KIAA1328: variants seen among roughly 807,000 people sequenced by gnomAD.
KIAA1328 encodes KIAA1328.
In KIAA1328, 52 loss-of-function variants were observed where a neutral mutation model predicts 68.1. The ratio of observed to expected loss-of-function variants is 0.76; its 90% CI spans 0.61 to 0.96. The LOEUF (loss-of-function observed/expected upper bound fraction) is 0.96, where lower values mean the gene tolerates loss of function less well. Ranked by LOEUF, KIAA1328 falls within the 40% of genes least tolerant of loss-of-function variation. KIAA1328 has a pLI of 0.00. For missense variants in KIAA1328, 641 were observed against 677.6 expected (o/e 0.95, Z 0.60); for synonymous variants, 232 against 239.4 (o/e 0.97, Z 0.28).
At chr18:36,913,202 G>A (rs1237309698) in intron 5 of KIAA1328, among the ~76,000 whole-genome samples, 1 of 151,886 alleles carries the variant, frequency 6.6e-6, no homozygotes, top group Non-Finnish European at 1.5e-5. Context: ...AACTGGCAGT[G>A]TTTCTGTTTA....
chr18:37,036,972 A>G (rs556813671), intron 6 of KIAA1328, among the ~76,000 whole-genome samples: 283 of 152,324 alleles, frequency 1.9e-3, no homozygotes, highest in African/African-American at 6.6e-3. Flanking sequence ...AAGAAACCAT[A>G]TATTAAAATT....
intron 7 of KIAA1328, among the ~76,000 whole-genome samples, chr18:37,074,331 A>G (rs1333627583): frequency 6.6e-6 from 1 of 152,120 alleles, no homozygotes; most frequent in Non-Finnish European, 1.5e-5. Context: ...CACCTTTTAC[A>G]GTATTCTTAT....
chr18:37,120,322 G>A (rs1198116344), intron 7 of KIAA1328, among the ~76,000 whole-genome samples: 3 of 152,038 alleles, frequency 2.0e-5, no homozygotes, highest in African/African-American at 7.2e-5. Context: ...CTAATGCCCT[G>A]CATGAGAACA....
rs2060607631 is a variant in KIAA1328, at chr18:37,224,018, G to A, written c.*1791G>A. The stretch of plus-strand genomic sequence containing the variant: ...AATCGGTTTCATCCCATATCAAAAA[G>A]CCTTTGGAGTGTGGAGCTTTCTGTG... On this transcript the variant is annotated 3_prime_UTR_variant, in exon 10 of 10. Coordinates refer to ENST00000280020, the MANE Select transcript of KIAA1328 (RefSeq NM_020776.3). 1.0e-6 allele frequency: 1 copy of A among 985,236 alleles called. No homozygotes were observed. The highest frequency in any genetic ancestry group is 1.7e-5 in the African/African-American group (1 of 57,206). 61.0% of individuals were successfully genotyped at this position (985,236 alleles called of 1,614,324 possible). A position where few individuals can be genotyped will look rare whatever the true frequency, so the allele number is the denominator to read the frequency against.
intron 6 of KIAA1328, among the ~76,000 whole-genome samples, chr18:37,055,848 G>T (rs900336105): frequency 2.0e-5 from 3 of 152,146 alleles, no homozygotes; most frequent in African/African-American, 7.2e-5. Context: ...TTGTTATAGG[G>T]TGCTTATCAG....
chr18:36,840,957 TAC>T (rs1202300938), intron 3 of KIAA1328, among the ~76,000 whole-genome samples: 1 of 152,188 alleles, frequency 6.6e-6, no homozygotes, highest in Non-Finnish European at 1.5e-5. Flanking sequence ...CAGATTTCAC[TAC>T]AGTCTGGCAC....
At chr18:36,907,454 G>C (rs1209714377) in intron 5 of KIAA1328, among the ~76,000 whole-genome samples, 5 of 152,036 alleles carry the variant, frequency 3.3e-5, no homozygotes, top group Non-Finnish European at 7.4e-5. Flanking sequence ...TTTAGATTAA[G>C]GAAGTTCTTT....
intron 7 of KIAA1328, among the ~76,000 whole-genome samples, chr18:37,076,291 C>A (rs2056732418): frequency 6.6e-6 from 1 of 152,160 alleles, no homozygotes; most frequent in Admixed American, 6.5e-5. Context: ...CTAATGAGAA[C>A]AAAGACACAA....
intron 7 of KIAA1328, among the ~76,000 whole-genome samples, chr18:37,116,242 G>A (rs1012915063): frequency 8.5e-5 from 13 of 152,254 alleles, no homozygotes; most frequent in Admixed American, 8.5e-4. Flanking sequence ...GAGGCATCAT[G>A]CTACCTGACT....
intron 5 of KIAA1328, among the ~76,000 whole-genome samples, chr18:36,905,986 AG>A (rs2049207039): frequency 6.6e-6 from 1 of 152,170 alleles, no homozygotes; most frequent in African/African-American, 2.4e-5. Flanking sequence ...TAGTGATTTT[AG>A]AATTATTAAC....
intron 7 of KIAA1328, among the ~76,000 whole-genome samples, chr18:37,159,881 T>G (rs1301881249): frequency 6.6e-6 from 1 of 152,222 alleles, no homozygotes; most frequent in Non-Finnish European, 1.5e-5. Flanking sequence ...AAGTCCTGTT[T>G]TAGCATACTT....
At chr18:36,935,825 G>A (rs974217739) in intron 5 of KIAA1328, among the ~76,000 whole-genome samples, 3 of 152,096 alleles carry the variant, frequency 2.0e-5, no homozygotes, top group African/African-American at 4.8e-5. Context: ...TTTGATCAAA[G>A]AATTCCTAGG....
chr18:37,024,769 G>T (rs760848080), intron 6 of KIAA1328, among the ~76,000 whole-genome samples: 150 of 152,096 alleles, frequency 9.9e-4, no homozygotes, highest in Admixed American at 3.2e-3. Flanking sequence ...TCTCAATCCA[G>T]TCTATCATTG....
In KIAA1328 at chr18:36,973,172, T is replaced by C. The variant is rs561462721; in HGVS notation, c.576+13737T>C. Among the ~76,000 whole-genome samples, 5 of 152,244 alleles carry C rather than the reference T, an allele frequency of 3.3e-5. No individual in the cohort carries two copies. In the South Asian group the frequency reaches 6.2e-4, roughly 19 times the overall value. On this transcript the variant is annotated intron_variant, in intron 6 of 9. Coordinates refer to ENST00000280020, the MANE Select transcript of KIAA1328 (RefSeq NM_020776.3). ...AAAAAGGATGAGTTCATGTCTTTTA[T>C]GGGGACATGGATGAAGCTGGAAACC...
intron 6 of KIAA1328, among the ~76,000 whole-genome samples, chr18:37,038,338 C>T (rs2055112107): frequency 6.6e-6 from 1 of 152,070 alleles, no homozygotes; most frequent in South Asian, 2.1e-4. Context: ...TCACTATCTG[C>T]CTAAATAATT....
At chr18:37,204,492 T>A (rs2060178931) in intron 9 of KIAA1328, among the ~76,000 whole-genome samples, 1 of 152,144 alleles carries the variant, frequency 6.6e-6, no homozygotes, top group South Asian at 2.1e-4. Context: ...TGATTTTAAG[T>A]TTTTAGTCAT....
intron 6 of KIAA1328, among the ~76,000 whole-genome samples, chr18:36,968,116 T>C (rs566995990): frequency 3.3e-5 from 5 of 151,732 alleles, no homozygotes; most frequent in African/African-American, 1.2e-4. Context: ...CAAGAGCTCC[T>C]GAAAGAAGCA....
At chr18:36,891,139 G>A (rs1206463649) in intron 5 of KIAA1328, among the ~76,000 whole-genome samples, 1 of 152,102 alleles carries the variant, frequency 6.6e-6, no homozygotes, top group Non-Finnish European at 1.5e-5. Context: ...TGTGACAATT[G>A]GAGAGTCATT....
chr18:37,063,036 C>CTTTTTTTT (rs570431713), intron 6 of KIAA1328, among the ~76,000 whole-genome samples: 1 of 141,306 alleles, frequency 7.1e-6, no homozygotes. Context: ...GGCTGCATTC[C>CTTTTTTTT]TTTTTTTTTT....
Sources: allele counts gnomAD v4.1 joint callset (sites outside exome capture counted in the v4.1 genomes callset), GRCh38; gene constraint gnomAD v4.1.1; transcripts MANE v1.5; gene names NCBI Gene and HGNC (gene_info 2026-07-23, HGNC 2026-07-21).